Variants in RAB38 observed in about 807,000 individuals in gnomAD.
RAB38 encodes ras-related protein Rab-38.
A neutral mutation model predicts 18.4 loss-of-function variants in RAB38; 15 were observed. The observed-to-expected ratio is 0.82, with a 90% confidence interval of 0.55 to 1.26. RAB38 has a LOEUF of 1.26. Ranked by LOEUF, RAB38 falls within the 50% of genes most tolerant of loss-of-function variation. RAB38 has a pLI of 0.00. For synonymous variants in RAB38, 101 were observed against 104.4 expected (o/e 0.97, Z 0.20); for missense variants, 294 against 267.4 (o/e 1.10, Z -0.69).
the RAB38 span, among the ~76,000 whole-genome samples, chr11:88,022,755 G>C: frequency 2.0e-5 from 3 of 151,970 alleles, no homozygotes; most frequent in Non-Finnish European, 4.4e-5. Context: ...GTATTCCATG[G>C]TGTATGTGTA....
chr11:87,917,806 A>C, the RAB38 span: 1 of 152,112 alleles, frequency 6.6e-6, no homozygotes, highest in Non-Finnish European at 1.5e-5. Context: ...TGCAGAGAAG[A>C]GGACAGAATC....
the RAB38 span, among the ~76,000 whole-genome samples, chr11:87,892,693 G>A: frequency 6.6e-6 from 1 of 151,700 alleles, no homozygotes; most frequent in Non-Finnish European, 1.5e-5. Context: ...TTTGTCTACT[G>A]GCATGATATA....
At chr11:87,923,495 C>G in the RAB38 span, among the ~76,000 whole-genome samples, 3 of 151,236 alleles carry the variant, frequency 2.0e-5, no homozygotes, top group Admixed American at 2.0e-4. Flanking sequence ...ATAATTAGTA[C>G]TAGAGAATAG....
chr11:88,150,371 A>G (rs141709946), intron 1 of RAB38, among the ~76,000 whole-genome samples: 2 of 152,378 alleles, frequency 1.3e-5, no homozygotes, highest in Admixed American at 6.5e-5. Flanking sequence ...GCCAATAATG[A>G]AACATATCCA....
the RAB38 span, among the ~76,000 whole-genome samples, chr11:88,013,955 C>T: frequency 6.6e-6 from 1 of 152,118 alleles, no homozygotes; most frequent in African/African-American, 2.4e-5. Context: ...GCAGCAGCAG[C>T]AGCACTAGTG....
chr11:87,968,068 G>T, the RAB38 span, among the ~76,000 whole-genome samples: 2 of 152,108 alleles, frequency 1.3e-5, no homozygotes, highest in African/African-American at 4.8e-5. Context: ...ATGACCTCTT[G>T]TTTGTATTAT....
At chr11:88,052,675 A>G in the RAB38 span, among the ~76,000 whole-genome samples, 19 of 151,662 alleles carry the variant, frequency 1.3e-4, no homozygotes, top group Admixed American at 1.1e-3. Context: ...TGCTACATTA[A>G]TGACTATGCT....
chr11:88,100,709 T>C, the RAB38 span, among the ~76,000 whole-genome samples: 2 of 151,996 alleles, frequency 1.3e-5, no homozygotes, highest in African/African-American at 4.8e-5. Context: ...ATATTAGTTG[T>C]TGAAAATTGT....
At chr11:87,919,228 G>T in the RAB38 span, among the ~76,000 whole-genome samples, 1,429 of 152,072 alleles carry the variant, frequency 9.4e-3, 10 homozygotes, top group Non-Finnish European at 0.014. Context: ...CATCTGTTGA[G>T]TATGAGTTTA....
At chr11:87,809,831 T>C in the RAB38 span, among the ~76,000 whole-genome samples, 1 of 152,198 alleles carries the variant, frequency 6.6e-6, no homozygotes, top group East Asian at 1.9e-4. Flanking sequence ...TCAATTATAA[T>C]GTTGATAGTT....
the RAB38 span, among the ~76,000 whole-genome samples, chr11:87,976,672 G>GATATATAAATATATAATTTTATGTA: frequency 2.7e-5 from 2 of 73,036 alleles, no homozygotes; most frequent in African/African-American, 9.6e-5. Context: ...AATTTTATAT[G>GATATATAAATATATAATTTTATGTA]ATATATATTT....
the RAB38 span, among the ~76,000 whole-genome samples, chr11:87,868,524 C>T: frequency 8.6e-6 from 1 of 115,648 alleles, no homozygotes; most frequent in African/African-American, 4.1e-5. Flanking sequence ...AATGTGGCAA[C>T]AGAAATGAAA....
At chr11:87,976,270 G>GTA in the RAB38 span, among the ~76,000 whole-genome samples, 2 of 139,468 alleles carry the variant, frequency 1.4e-5, no homozygotes, top group Non-Finnish European at 3.1e-5. Context: ...GTAAGAGAAG[G>GTA]TGTGTGTATA....
the RAB38 span, among the ~76,000 whole-genome samples, chr11:87,918,927 A>T: frequency 1.5e-3 from 3 of 1,970 alleles, no homozygotes; most frequent in African/African-American, 2.1e-3. Flanking sequence ...TCTGGGTCAC[A>T]GTAAAAAAAA....
At chr11:87,969,383 T>G in the RAB38 span, among the ~76,000 whole-genome samples, 1 of 152,098 alleles carries the variant, frequency 6.6e-6, no homozygotes, top group Non-Finnish European at 1.5e-5. Context: ...GTTAACAACA[T>G]AAATTATCAC....
chr11:88,135,348 A>G (rs745595333), intron 2 of RAB38, among the ~76,000 whole-genome samples: 1 of 152,174 alleles, frequency 6.6e-6, no homozygotes, highest in African/African-American at 2.4e-5. Flanking sequence ...GATTTTATCT[A>G]TTTTGTCCAC....
the RAB38 span, among the ~76,000 whole-genome samples, chr11:87,930,550 G>A: frequency 2.6e-5 from 4 of 152,104 alleles, no homozygotes; most frequent in African/African-American, 4.8e-5. Context: ...CTTTTGCTGT[G>A]CAGAAACTCT....
the RAB38 span, among the ~76,000 whole-genome samples, chr11:88,006,650 C>A: frequency 7.2e-6 from 1 of 138,072 alleles, no homozygotes; most frequent in Non-Finnish European, 1.6e-5. Flanking sequence ...CATATAGACA[C>A]ACAGTGGAAT....
the RAB38 span, among the ~76,000 whole-genome samples, chr11:87,835,944 G>T: frequency 2.0e-5 from 3 of 152,100 alleles, no homozygotes; most frequent in African/African-American, 7.2e-5. Flanking sequence ...TGACATCCAG[G>T]ACATCTTTTC....
Sources: allele counts gnomAD v4.1 joint callset (sites outside exome capture counted in the v4.1 genomes callset), GRCh38; gene constraint gnomAD v4.1.1; transcripts MANE v1.5; gene names NCBI Gene and HGNC (gene_info 2026-07-23, HGNC 2026-07-21).